Variants in ERC2 observed in about 807,000 individuals in gnomAD.
ERC2 encodes the protein ERC protein 2.
In ERC2, 42 loss-of-function variants were observed where a neutral mutation model predicts 114.8. The observed-to-expected ratio is 0.37, with a 90% CI of 0.29 to 0.47. The LOEUF (loss-of-function observed/expected upper bound fraction) is 0.47. Ranked by LOEUF, ERC2 falls within the 20% of genes least tolerant of loss-of-function variation. The probability of loss-of-function intolerance (pLI) is 0.99; values close to 1 mark genes in which losing one functional copy is unlikely to be tolerated. For missense variants in ERC2, 939 were observed against 1,150.7 expected (o/e 0.82, Z 2.66); for synonymous variants, 454 against 425.5 (o/e 1.07, Z -0.82).
At chr3:55,721,529 T>A (rs1042169994) in intron 15 of ERC2, among the ~76,000 whole-genome samples, 47 of 152,358 alleles carry the variant, frequency 3.1e-4, no homozygotes, top group African/African-American at 9.9e-4. Context: ...GTCTGTTAGC[T>A]TCTCTCTTTT....
chr3:55,598,179 C>T (rs1363403888), intron 17 of ERC2, among the ~76,000 whole-genome samples: 1 of 152,220 alleles, frequency 6.6e-6, no homozygotes, highest in African/African-American at 2.4e-5. Context: ...TATATAGATA[C>T]TAGCTTTTGC....
At chr3:55,980,242 A>G (rs959055484) in intron 12 of ERC2, among the ~76,000 whole-genome samples, 3 of 152,092 alleles carry the variant, frequency 2.0e-5, no homozygotes, top group Non-Finnish European at 2.9e-5. Context: ...GAGTAAAATG[A>G]GAGAGCAGCA....
At chr3:56,466,858 A>T (rs1384456474) in intron 1 of ERC2, among the ~76,000 whole-genome samples, 1 of 152,224 alleles carries the variant, frequency 6.6e-6, no homozygotes, top group Non-Finnish European at 1.5e-5. Context: ...TTTCCCGGAT[A>T]GCTCAACGGT....
chr3:55,634,672 G>A (rs774626608), intron 17 of ERC2, among the ~76,000 whole-genome samples: 4 of 152,186 alleles, frequency 2.6e-5, no homozygotes, highest in Non-Finnish European at 5.9e-5. Context: ...GGCTAAGATG[G>A]TCTTCTCCTA....
At chr3:56,185,982 A>G (rs1419367119) in intron 3 of ERC2, among the ~76,000 whole-genome samples, 1 of 152,072 alleles carries the variant, frequency 6.6e-6, no homozygotes, top group Non-Finnish European at 1.5e-5. Flanking sequence ...GACCACAGGA[A>G]GCCTCTAAGG....
intron 3 of ERC2, among the ~76,000 whole-genome samples, chr3:56,276,812 T>C (rs1302064757): frequency 6.6e-6 from 1 of 152,132 alleles, no homozygotes; most frequent in Admixed American, 6.6e-5. Context: ...ATATTAACAC[T>C]AATGATAGCT....
At chr3:56,275,008 C>T (rs962236578) in intron 3 of ERC2, among the ~76,000 whole-genome samples, 1 of 152,170 alleles carries the variant, frequency 6.6e-6, no homozygotes, top group Non-Finnish European at 1.5e-5. Flanking sequence ...CTTCCTTAAA[C>T]ACTTCTACAT....
chr3:56,229,776 C>T (rs918825459), intron 3 of ERC2, among the ~76,000 whole-genome samples: 1 of 149,806 alleles, frequency 6.7e-6, no homozygotes, highest in African/African-American at 2.5e-5. Context: ...AACATTCTAA[C>T]TAGTACATGG....
At chr3:56,436,757 T>A (rs1373801904) in intron 1 of ERC2, among the ~76,000 whole-genome samples, 1 of 152,218 alleles carries the variant, frequency 6.6e-6, no homozygotes, top group Admixed American at 6.5e-5. Context: ...CTGGGAAAGA[T>A]AAGCTCTTCT....
At chr3:56,314,991 C>T (rs1560577858) in intron 2 of ERC2, among the ~76,000 whole-genome samples, 1 of 152,184 alleles carries the variant, frequency 6.6e-6, no homozygotes, top group Non-Finnish European at 1.5e-5. Context: ...ACAGCTGCCA[C>T]GAGCCAGAGT....
At chr3:56,394,377 A>G (rs1447881500) in intron 2 of ERC2, among the ~76,000 whole-genome samples, 3 of 152,202 alleles carry the variant, frequency 2.0e-5, no homozygotes, top group Non-Finnish European at 4.4e-5. Context: ...CATAAAAGCT[A>G]CTTTACAACT....
chr3:56,451,962 A>G (rs535467487), intron 1 of ERC2, among the ~76,000 whole-genome samples: 4 of 152,320 alleles, frequency 2.6e-5, no homozygotes, highest in South Asian at 2.1e-4. Context: ...AGAGAGTCCT[A>G]TGGAAAAAAG....
intron 3 of ERC2, among the ~76,000 whole-genome samples, chr3:56,292,276 A>G (rs1260593669): frequency 6.6e-6 from 1 of 152,120 alleles, no homozygotes; most frequent in Admixed American, 6.5e-5. Context: ...CAATTTGGGG[A>G]AAATTTCTTC....
At chr3:55,737,326 C>T (rs1189269188) in intron 14 of ERC2, among the ~76,000 whole-genome samples, 1 of 152,186 alleles carries the variant, frequency 6.6e-6, no homozygotes, top group East Asian at 1.9e-4. Flanking sequence ...GGACTACCGG[C>T]AGCAGCATTA....
intron 3 of ERC2, among the ~76,000 whole-genome samples, chr3:56,228,900 T>G (rs1185141411): frequency 1.3e-5 from 2 of 152,126 alleles, no homozygotes; most frequent in South Asian, 2.1e-4. Flanking sequence ...TATGGCTTTT[T>G]GGGGGATGGG....
chr3:55,513,534 T>A (rs1378050911), intron 17 of ERC2, among the ~76,000 whole-genome samples: 1 of 152,168 alleles, frequency 6.6e-6, no homozygotes, highest in Non-Finnish European at 1.5e-5. Context: ...GGATGTGATA[T>A]AGAGTGGGAA....
chr3:56,434,434 T>C lies in ERC2; in HGVS notation c.574A>G (p.Lys192Glu). 1 of 1,613,978 alleles carries C rather than the reference T, an allele frequency of 6.2e-7. No individual in the cohort carries two copies. The stretch of plus-strand genomic sequence containing the variant: ...TCTTCTTTCCTCAAGACTCTCTCCT[T>C]CTTAAGCTCAGGACTCCAGAAAGTC... Reference protein sequence around the residue: ...IKTFWSPELKKERVLRKEEAA... With the variant: ...IKTFWSPELKEERVLRKEEAA... Residue 192 changes from lysine to glutamate, a missense_variant, in exon 2 of 18, where the codon AAG becomes GAG. Lys to Glu is a moderately conservative substitution (Grantham distance 56). Around this residue, in one of 5 missense-constraint regions of ERC2, gnomAD observed 281 missense variants for 307.4 expected, o/e 0.91. Coordinates refer to ENST00000288221, the MANE Select transcript of ERC2 (RefSeq NM_015576.3).
intron 1 of ERC2, among the ~76,000 whole-genome samples, chr3:56,459,463 G>A (rs1461448485): frequency 1.3e-5 from 2 of 151,960 alleles, no homozygotes; most frequent in Non-Finnish European, 2.9e-5. Context: ...TGAAATCACA[G>A]AATGACAACT....
intron 3 of ERC2, among the ~76,000 whole-genome samples, chr3:56,182,067 A>G (rs1043547877): frequency 6.6e-6 from 1 of 152,200 alleles, no homozygotes; most frequent in Non-Finnish European, 1.5e-5. Context: ...GTTTTAAGCC[A>G]TTAAATTTGG....
Sources: allele counts gnomAD v4.1 joint callset (sites outside exome capture counted in the v4.1 genomes callset), GRCh38; gene constraint gnomAD v4.1.1; regional missense constraint gnomAD v4.1.1; transcripts MANE v1.5; gene names NCBI Gene and HGNC (gene_info 2026-07-23, HGNC 2026-07-21).